Variants in KCND2 observed in about 807,000 individuals in gnomAD.
The protein encoded by KCND2 is potassium voltage-gated channel subfamily D member 2, also known as A-type voltage-gated potassium channel KCND2.
In KCND2, 16 loss-of-function variants were observed where a neutral mutation model predicts 54.4. That is an observed-to-expected ratio of 0.29 (90% CI 0.20 to 0.45). KCND2 has a LOEUF of 0.45. KCND2 is among the 20% of genes least tolerant of loss of function. The pLI, the probability that KCND2 is intolerant of heterozygous loss-of-function variation, is 1.00. For synonymous variants in KCND2, 317 were observed against 310.7 expected, an observed-to-expected ratio of 1.02 and a Z score of -0.21; for missense variants, 486 against 824.2, an observed-to-expected ratio of 0.59 and a Z score of 5.02.
intron 1 of KCND2, among the ~76,000 whole-genome samples, chr7:120,515,837 A>C (rs1009257118): frequency 6.6e-6 from 1 of 152,148 alleles, no homozygotes; most frequent in Non-Finnish European, 1.5e-5. Flanking sequence ...TCCTTCAGCC[A>C]AGTCCTCTCT....
intron 1 of KCND2, among the ~76,000 whole-genome samples, chr7:120,530,484 G>A (rs1791830392): frequency 6.6e-6 from 1 of 151,950 alleles, no homozygotes; most frequent in Non-Finnish European, 1.5e-5. Flanking sequence ...ATCTAACATT[G>A]TCATTGCTTC....
chr7:120,597,902 G>A (rs1292046537), intron 1 of KCND2, among the ~76,000 whole-genome samples: 3 of 152,094 alleles, frequency 2.0e-5, no homozygotes, highest in Non-Finnish European at 4.4e-5. Flanking sequence ...TGTGATTTAG[G>A]TATCACAGCA....
chr7:120,422,440 A>G (rs10953912), intron 1 of KCND2, among the ~76,000 whole-genome samples: 149,164 of 152,238 alleles, frequency 0.98, 73,149 homozygotes, highest in East Asian at 1. Context: ...GGTTTGCGCT[A>G]GTTCCACCCT....
At chr7:120,431,640 A>T (rs1801789508) in intron 1 of KCND2, among the ~76,000 whole-genome samples, 1 of 152,216 alleles carries the variant, frequency 6.6e-6, no homozygotes, top group African/African-American at 2.4e-5. Flanking sequence ...CTTCTTGATT[A>T]CTTAGCCTCA....
At position 120,626,763 on chromosome 7, in the gene KCND2, T is replaced by A. The variant is rs553234640; in HGVS notation, c.1116-106140T>A. On this transcript the variant is annotated intron_variant, in intron 1 of 5. Coordinates refer to ENST00000331113, the MANE Select transcript of KCND2 (RefSeq NM_012281.3). ...CTTTCTCTTTGTAAGATTTTCTTCC[T>A]ATTTTTAAAAATTAGATTATAGTTT... 2.2e-3 allele frequency among the ~76,000 whole-genome samples: 334 copies of A among 152,350 alleles called. 2 individuals are homozygous for A. The highest frequency in any genetic ancestry group is 7.8e-3 in the African/African-American group (323 of 41,588).
intron 1 of KCND2, among the ~76,000 whole-genome samples, chr7:120,522,154 C>G (rs1206286566): frequency 6.6e-6 from 1 of 152,194 alleles, no homozygotes; most frequent in African/African-American, 2.4e-5. Flanking sequence ...ATCACCCTCT[C>G]CTGTAACTCC....
chr7:120,704,036 A>G (rs1216951908), intron 1 of KCND2, among the ~76,000 whole-genome samples: 1 of 152,204 alleles, frequency 6.6e-6, no homozygotes, highest in African/African-American at 2.4e-5. Context: ...AGCTTTTACT[A>G]TGTGCCAAGC....
At chr7:120,311,424 A>G (rs1014584716) in intron 1 of KCND2, among the ~76,000 whole-genome samples, 3 of 152,232 alleles carry the variant, frequency 2.0e-5, no homozygotes, top group Non-Finnish European at 4.4e-5. Context: ...GGCAATTGGG[A>G]TAGAATAGGA....
chr7:120,740,253 C>T (rs1370215774), intron 2 of KCND2, among the ~76,000 whole-genome samples: 3 of 151,876 alleles, frequency 2.0e-5, no homozygotes, highest in Non-Finnish European at 4.4e-5. Flanking sequence ...GGGTCAGAGA[C>T]AATTGTTTGC....
At chr7:120,576,678 A>G (rs1233166191) in intron 1 of KCND2, among the ~76,000 whole-genome samples, 3 of 151,958 alleles carry the variant, frequency 2.0e-5, no homozygotes, top group Admixed American at 2.0e-4. Context: ...TGTTTTCTTC[A>G]TTCTTCCAAG....
intron 1 of KCND2, among the ~76,000 whole-genome samples, chr7:120,296,697 A>C (rs1320359971): frequency 6.6e-6 from 1 of 152,098 alleles, no homozygotes; most frequent in Admixed American, 6.6e-5. Context: ...CATAGTTGCT[A>C]AGAGAACCAG....
At chr7:120,733,768 G>A (rs1467894191) in intron 2 of KCND2, among the ~76,000 whole-genome samples, 1 of 152,044 alleles carries the variant, frequency 6.6e-6, no homozygotes, top group East Asian at 1.9e-4. Context: ...TTCATGCCAG[G>A]TAATTAATCC....
At chr7:120,562,650 A>G (rs1054480709) in intron 1 of KCND2, among the ~76,000 whole-genome samples, 13 of 152,222 alleles carry the variant, frequency 8.5e-5, no homozygotes, top group African/African-American at 3.1e-4. Flanking sequence ...GATAAACTTG[A>G]ATTGTATTCA....
chr7:120,315,765 AGTGTGTGT>A (rs59537613), intron 1 of KCND2, among the ~76,000 whole-genome samples: 10,845 of 137,432 alleles, frequency 0.079, 560 homozygotes, highest in African/African-American at 0.14. Flanking sequence ...TTCCATAAGC[AGTGTGTGT>A]GTGTGTGTGT....
chr7:120,690,716 A>T (rs1252429577), intron 1 of KCND2, among the ~76,000 whole-genome samples: 1 of 152,198 alleles, frequency 6.6e-6, no homozygotes, highest in Non-Finnish European at 1.5e-5. Flanking sequence ...ATAAATATTT[A>T]TTGACCACTT....
chr7:120,604,942 A>C (rs1450069867), intron 1 of KCND2, among the ~76,000 whole-genome samples: 1 of 152,114 alleles, frequency 6.6e-6, no homozygotes, highest in Non-Finnish European at 1.5e-5. Flanking sequence ...TCCAATTGTA[A>C]TTTTCTCCTC....
intron 1 of KCND2, among the ~76,000 whole-genome samples, chr7:120,722,031 C>T (rs992096787): frequency 2.0e-5 from 3 of 152,186 alleles, no homozygotes; most frequent in African/African-American, 7.2e-5. Context: ...GCTTCATCTT[C>T]CTCCATGATT....
At chr7:120,555,447 A>T (rs1175567338) in intron 1 of KCND2, among the ~76,000 whole-genome samples, 5 of 152,152 alleles carry the variant, frequency 3.3e-5, no homozygotes, top group Non-Finnish European at 5.9e-5. Context: ...TGCTCCTGCA[A>T]TTGGCTCTTG....
intron 1 of KCND2, among the ~76,000 whole-genome samples, chr7:120,378,286 G>A (rs978324840): frequency 1.3e-5 from 2 of 151,782 alleles, no homozygotes; most frequent in East Asian, 1.9e-4. Flanking sequence ...TTATACTAGC[G>A]GCAGAATCAT....
Sources: allele counts gnomAD v4.1 joint callset (sites outside exome capture counted in the v4.1 genomes callset), GRCh38; gene constraint gnomAD v4.1.1; transcripts MANE v1.5; gene names NCBI Gene and HGNC (gene_info 2026-07-23, HGNC 2026-07-21).